Variants in TYR observed in about 807,000 individuals in gnomAD.
TYR encodes LB24-AB.
In TYR, 58 loss-of-function variants were observed where a neutral mutation model predicts 51.5. The ratio of observed to expected loss-of-function variants is 1.13; its 90% CI spans 0.91 to 1.40. The LOEUF is 1.40. Ranked by LOEUF, TYR falls within the 40% of genes most tolerant of loss-of-function variation. The pLI, the probability that TYR is intolerant of heterozygous loss-of-function variation, is 0.00. For synonymous variants in TYR, 263 were observed against 235.2 expected (o/e 1.12, Z -1.08); for missense variants, 732 against 647.4 (o/e 1.13, Z -1.42).
intron 3 of TYR, among the ~76,000 whole-genome samples, chr11:89,278,547 GT>G (rs1944684503): frequency 1.3e-5 from 2 of 151,650 alleles, no homozygotes; most frequent in African/African-American, 4.8e-5. Flanking sequence ...CAACGAATCA[GT>G]TCCCAAATAT....
intron 3 of TYR, among the ~76,000 whole-genome samples, chr11:89,257,061 C>T (rs1944401451): frequency 2.0e-5 from 3 of 152,082 alleles, no homozygotes; most frequent in Non-Finnish European, 4.4e-5. Flanking sequence ...GACTCTACTG[C>T]TCTTCCTAGG....
At chr11:89,243,835 T>G (rs1944232015) in intron 3 of TYR, among the ~76,000 whole-genome samples, 2 of 152,166 alleles carry the variant, frequency 1.3e-5, no homozygotes, top group South Asian at 4.1e-4. Context: ...TATGTGTATT[T>G]ATAATTGTTG....
chr11:89,270,550 A>T (rs1429458456), intron 3 of TYR, among the ~76,000 whole-genome samples: 2 of 151,804 alleles, frequency 1.3e-5, no homozygotes, highest in Non-Finnish European at 2.9e-5. Flanking sequence ...GTCCTAACTG[A>T]TGGGGGTTAA....
intron 4 of TYR, among the ~76,000 whole-genome samples, chr11:89,285,877 G>A (rs1159026221): frequency 1.3e-5 from 2 of 151,680 alleles, no homozygotes; most frequent in African/African-American, 2.4e-5. Context: ...GTGGCTTATG[G>A]GTAGGAGGTA....
intron 3 of TYR, among the ~76,000 whole-genome samples, chr11:89,232,751 A>T (rs1269327515): frequency 7.0e-6 from 1 of 143,686 alleles, no homozygotes; most frequent in Non-Finnish European, 1.5e-5. Context: ...TTATACTTTA[A>T]TGTAGATTAT....
At chr11:89,264,279 G>T (rs193199883) in intron 3 of TYR, among the ~76,000 whole-genome samples, 1 of 151,944 alleles carries the variant, frequency 6.6e-6, no homozygotes, top group African/African-American at 2.4e-5. Context: ...TGTGATTGGG[G>T]TAAAGTCTCC....
At chr11:89,277,097 C>T (rs1394077097) in intron 3 of TYR, among the ~76,000 whole-genome samples, 1 of 151,404 alleles carries the variant, frequency 6.6e-6, no homozygotes, top group African/African-American at 2.4e-5. Context: ...TAGATAGTAC[C>T]ATCCCTTTTC....
At chr11:89,270,121 T>C (rs750888715) in intron 3 of TYR, among the ~76,000 whole-genome samples, 2 of 151,936 alleles carry the variant, frequency 1.3e-5, no homozygotes, top group Non-Finnish European at 2.9e-5. Context: ...ACAGTGTCTG[T>C]GTTAAACCAC....
At chr11:89,219,445 C>T (rs1943879116) in intron 2 of TYR, among the ~76,000 whole-genome samples, 1 of 151,852 alleles carries the variant, frequency 6.6e-6, no homozygotes, top group Admixed American at 6.6e-5. Flanking sequence ...TACAGACATG[C>T]ACCATCACCC....
chr11:89,197,156 G>A (rs1943530804), intron 2 of TYR, among the ~76,000 whole-genome samples: 1 of 152,144 alleles, frequency 6.6e-6, no homozygotes, highest in African/African-American at 2.4e-5. Context: ...CAATGACACA[G>A]AGGTGTGAAA....
At chr11:89,213,964 T>G (rs545936799) in intron 2 of TYR, among the ~76,000 whole-genome samples, 1 of 152,296 alleles carries the variant, frequency 6.6e-6, no homozygotes, top group East Asian at 1.9e-4. Context: ...AAGACTTAAA[T>G]GTTAGACCTA....
At chr11:89,286,945 T>A (rs899956740) in intron 4 of TYR, among the ~76,000 whole-genome samples, 16 of 151,934 alleles carry the variant, frequency 1.1e-4, no homozygotes, top group African/African-American at 3.9e-4. Flanking sequence ...TGTTTCCATT[T>A]CCAAAACACG....
At chr11:89,270,830 G>T (rs1944580017) in intron 3 of TYR, among the ~76,000 whole-genome samples, 1 of 151,602 alleles carries the variant, frequency 6.6e-6, no homozygotes, top group South Asian at 2.1e-4. Flanking sequence ...CAGTCTCCTG[G>T]TTGAATTCAT....
At chr11:89,278,364 T>C (rs1251222854) in intron 3 of TYR, among the ~76,000 whole-genome samples, 1 of 151,678 alleles carries the variant, frequency 6.6e-6, no homozygotes, top group Non-Finnish European at 1.5e-5. Context: ...CCAAATACTA[T>C]AGGGCAGAAA....
rs12365772 is a variant in TYR, at chr11:89,221,769, C to T, written c.1037-6054C>T. ...ATTTTCTATCTTCTTTTTATTTCCT[C>T]TTCTCCAATTCCATCTCTGAAACAC... On this transcript the variant is annotated intron_variant, in intron 2 of 4. Coordinates refer to ENST00000263321, the MANE Select transcript of TYR (RefSeq NM_000372.5). Among the ~76,000 whole-genome samples, 973 of 152,326 alleles carry T rather than the reference C, an allele frequency of 6.4e-3. 7 individuals carry two copies. The highest frequency in any genetic ancestry group is 7.9e-3 in the Non-Finnish European group (540 of 68,018).
In TYR at chr11:89,178,183, G is replaced by A. The variant is rs61753185; in HGVS notation, c.230G>A (p.Arg77Gln). The A allele has an allele frequency of 5.9e-5, 96 of 1,614,144 alleles. No homozygotes were observed. The highest frequency in any genetic ancestry group is 8.9e-5 in the East Asian group (4 of 44,868). ...TTTCCCTTCACAGGGGTGGATGACC[G>A]GGAGTCGTGGCCTTCCGTCTTTTAT... ...PQFPFTGVDD[R>Q]ESWPSVFYNR... Residue 77 changes from arginine (R) to glutamine (Q), a missense_variant, in exon 1 of 5, where the codon CGG (arginine) becomes CAG (glutamine). Transcript: ENST00000263321.
intron 3 of TYR, among the ~76,000 whole-genome samples, chr11:89,270,001 G>T (rs534708644): frequency 6.6e-6 from 1 of 151,984 alleles, no homozygotes; most frequent in African/African-American, 2.4e-5. Context: ...TTGGTCCATT[G>T]AATTATACCG....
At chr11:89,204,399 T>A (rs886534499) in intron 2 of TYR, among the ~76,000 whole-genome samples, 3 of 103,278 alleles carry the variant, frequency 2.9e-5, no homozygotes, top group Admixed American at 9.2e-5. Flanking sequence ...GATTATACAT[T>A]TTTTTTTTTT....
chr11:89,254,668 T>G (rs562094547), intron 3 of TYR, among the ~76,000 whole-genome samples: 1 of 151,946 alleles, frequency 6.6e-6, no homozygotes, highest in Admixed American at 6.6e-5. Flanking sequence ...TCAGTTGTAA[T>G]ATCTCCCATT....
Sources: gnomAD v4.1 joint callset for allele counts (sites outside exome capture counted in the v4.1 genomes callset) on GRCh38, gnomAD v4.1.1 for gene constraint, MANE v1.5 for transcripts, NCBI Gene and HGNC (gene_info 2026-07-23, HGNC 2026-07-21) for gene names.